The following DGKB variants were observed in gnomAD, a reference collection of about 807,000 sequenced individuals.
DGKB encodes diacylglycerol kinase beta.
DGKB carries 67 observed loss-of-function variants against 114.3 expected under a neutral mutation model. The observed-to-expected ratio is 0.59, with a 90% CI of 0.48 to 0.72. DGKB has a LOEUF of 0.72. DGKB is among the 30% of genes least tolerant of loss of function. The probability of loss-of-function intolerance (pLI) is 0.00; values close to 1 mark genes in which losing one functional copy is unlikely to be tolerated. For missense variants in DGKB, 907 were observed against 975.2 expected (o/e 0.93, Z 0.93); for synonymous variants, 398 against 323.1 (o/e 1.23, Z -2.49).
intron 1 of DGKB, among the ~76,000 whole-genome samples, chr7:14,953,995 G>A (rs1187771357): frequency 6.6e-6 from 1 of 151,994 alleles, no homozygotes; most frequent in Non-Finnish European, 1.5e-5. Context: ...TCTGGGACTG[G>A]GGCCCAGCAA....
Position 14,640,004 on chromosome 7 carries a change from T to C in DGKB, c.1135-9736A>G, listed in dbSNP as rs183820908. On this transcript the variant is annotated intron_variant, in intron 13 of 25. Transcript: ENST00000402815. ...ACCTGCACAAACATACTTATGGTTA[T>C]GTGAAGAGCCAGACAAGAGTCAGCA... Among the ~76,000 whole-genome samples, 325 of 152,308 alleles carry C rather than the reference T, an allele frequency of 2.1e-3. 2 individuals carry two copies. The highest frequency in any genetic ancestry group is 0.01 in the Middle Eastern group (3 of 294).
chr7:14,558,782 A>G (rs1472461591), intron 20 of DGKB, among the ~76,000 whole-genome samples: 1 of 152,172 alleles, frequency 6.6e-6, no homozygotes, highest in Non-Finnish European at 1.5e-5. Flanking sequence ...TAGGTTCAGT[A>G]TGTTTGGCTC....
At chr7:14,642,191 C>T (rs762676363) in intron 13 of DGKB, among the ~76,000 whole-genome samples, 1 of 151,982 alleles carries the variant, frequency 6.6e-6, no homozygotes, top group African/African-American at 2.4e-5. Flanking sequence ...TTTCTATACT[C>T]TTTCTTAATT....
intron 5 of DGKB, among the ~76,000 whole-genome samples, chr7:14,729,273 C>A (rs546807497): frequency 2.7e-4 from 39 of 144,660 alleles, no homozygotes; most frequent in Admixed American, 1.6e-3. Context: ...CAGGCGCCTG[C>A]CACCACATCC....
chr7:14,967,932 A>C (rs1787258906), intron 1 of DGKB, among the ~76,000 whole-genome samples: 1 of 152,046 alleles, frequency 6.6e-6, no homozygotes. Context: ...CAAAGCAATA[A>C]CCTACTCTAA....
intron 23 of DGKB, among the ~76,000 whole-genome samples, chr7:14,180,516 G>A (rs531701100): frequency 1.3e-4 from 20 of 152,098 alleles, no homozygotes; most frequent in Admixed American, 2.6e-4. Context: ...TCATGTTCTT[G>A]CTAACACAAA....
chr7:14,614,035 A>G (rs376080511), intron 15 of DGKB, among the ~76,000 whole-genome samples: 4 of 152,172 alleles, frequency 2.6e-5, no homozygotes, highest in East Asian at 3.9e-4. Flanking sequence ...TTAACTATTG[A>G]TCTCTCTTTC....
intron 9 of DGKB, among the ~76,000 whole-genome samples, chr7:14,685,641 A>G (rs1437739691): frequency 1.3e-5 from 2 of 152,168 alleles, no homozygotes; most frequent in Admixed American, 6.5e-5. Context: ...GACCTGCCAA[A>G]TGGATCAGGG....
Position 14,936,686 on chromosome 7 carries a change from C to A in DGKB, c.-188+38010G>T, listed in dbSNP as rs7776558. Among the ~76,000 whole-genome samples the A allele has an allele frequency of 9.4e-3, 1,426 of 152,030 alleles. 20 individuals are homozygous for A. Among genetic ancestry groups the A allele is most frequent in the African/African-American group, 0.032 (1,329 of 41,452 alleles). On this transcript the variant is annotated intron_variant, in intron 1 of 4. Coordinates refer to the DGKB transcript ENST00000437998. ...TTGCGGGCTCGGCATCCTCCACCCCCGCCTTCTTTTGGCAGCAGACTTAGA... is the reference window on the plus strand; with the variant it reads ...TTGCGGGCTCGGCATCCTCCACCCCAGCCTTCTTTTGGCAGCAGACTTAGA...
intron 21 of DGKB, among the ~76,000 whole-genome samples, chr7:14,439,130 AAGG>A (rs1217559348): frequency 4.1e-4 from 63 of 152,214 alleles, no homozygotes; most frequent in Non-Finnish European, 8.1e-4. Flanking sequence ...TGGATTTTTA[AAGG>A]AGGAGTTACT....
intron 5 of DGKB, among the ~76,000 whole-genome samples, chr7:14,727,598 C>G (rs1830209187): frequency 6.6e-6 from 1 of 152,060 alleles, no homozygotes; most frequent in South Asian, 2.1e-4. Context: ...ATTACCTCAA[C>G]AGTAATAAGT....
At chr7:14,166,309 C>T (rs1193192563) in intron 25 of DGKB, among the ~76,000 whole-genome samples, 3 of 152,062 alleles carry the variant, frequency 2.0e-5, no homozygotes, top group Admixed American at 6.6e-5. Flanking sequence ...CTGCTTAAAT[C>T]TGGGGCACAA....
At chr7:14,340,159 C>CTTTTTT (rs35208788) in intron 22 of DGKB, among the ~76,000 whole-genome samples, 1 of 89,174 alleles carries the variant, frequency 1.1e-5, no homozygotes, top group Non-Finnish European at 2.2e-5. Context: ...CTGGATGATG[C>CTTTTTT]TTTTTTTTTT....
intron 20 of DGKB, among the ~76,000 whole-genome samples, chr7:14,571,460 CT>C (rs2128703458): frequency 6.6e-6 from 1 of 152,270 alleles, no homozygotes; most frequent in East Asian, 1.9e-4. Context: ...GTGAAACTGA[CT>C]TTAGGGCCAG....
At chr7:14,964,616 GA>G (rs1420480394) in intron 1 of DGKB, among the ~76,000 whole-genome samples, 4 of 152,160 alleles carry the variant, frequency 2.6e-5, no homozygotes, top group Non-Finnish European at 5.9e-5. Context: ...GAGGGCACTA[GA>G]ATTTAATCTA....
intron 20 of DGKB, among the ~76,000 whole-genome samples, chr7:14,513,954 C>G (rs566535191): frequency 5.9e-5 from 9 of 152,048 alleles, no homozygotes; most frequent in African/African-American, 2.2e-4. Flanking sequence ...ACTGACATTT[C>G]TAGCATTTAA....
intron 2 of DGKB, among the ~76,000 whole-genome samples, chr7:14,797,724 C>G (rs867046698): frequency 1.9e-4 from 29 of 151,700 alleles, no homozygotes; most frequent in Admixed American, 8.5e-4. Flanking sequence ...TCCTGTAGTT[C>G]AGTGAGAGGA....
At chr7:14,852,487 C>CAAAAAAAAAAAAAAACAAAA in intron 1 of DGKB, among the ~76,000 whole-genome samples, 3 of 63,634 alleles carry the variant, frequency 4.7e-5, no homozygotes, top group Non-Finnish European at 8.9e-5. Context: ...TAGTGAAAGT[C>CAAAAAAAAAAAAAAACAAAA]AAAAAAAAAA....
At chr7:14,184,855 G>A (rs962080264) in intron 23 of DGKB, among the ~76,000 whole-genome samples, 7 of 152,044 alleles carry the variant, frequency 4.6e-5, no homozygotes, top group Non-Finnish European at 5.9e-5. Flanking sequence ...CAGCAAAATC[G>A]GTATGCAAGG....
Sources: allele counts gnomAD v4.1 joint callset (sites outside exome capture counted in the v4.1 genomes callset), GRCh38; gene constraint gnomAD v4.1.1; transcripts MANE v1.5; gene names NCBI Gene and HGNC (gene_info 2026-07-23, HGNC 2026-07-21).